LRP1: variants seen among roughly 807,000 people sequenced by gnomAD.
The protein encoded by LRP1 is prolow-density lipoprotein receptor-related protein 1.
In LRP1, 51 loss-of-function variants were observed where a neutral mutation model predicts 541.5. The observed-to-expected ratio is 0.09, with a 90% CI of 0.08 to 0.12. LRP1 has a LOEUF of 0.12. LRP1 is among the 10% of genes least tolerant of loss of function. The pLI is 1.00. For synonymous variants in LRP1, 2,219 were observed against 2,470.8 expected (o/e 0.90, Z 3.02); for missense variants, 3,878 against 6,376.2 (o/e 0.61, Z 13.34).
rs78461145 is a variant in LRP1, at chr12:57,192,729, C to G, written c.7430-116C>G. Reference sequence around the variant, plus strand: ...ACTGGCTGCAAGCCGCTGTGCCTGCCGTGACTGAGCAGAGGCTTGGGAGCT... The same window carrying G: ...ACTGGCTGCAAGCCGCTGTGCCTGCGGTGACTGAGCAGAGGCTTGGGAGCT... On this transcript the variant is annotated intron_variant, in intron 44 of 88. Transcript: ENST00000243077. The G allele has an allele frequency of 2.7e-5, 38 of 1,427,122 alleles. No individual in the cohort carries two copies. The African/African-American group carries it at 4.3e-4, about 16-fold the overall frequency. The allele number at this position is 1,427,122 out of a possible 1,614,324, so 88.4% of individuals were successfully genotyped here. A position where few individuals can be genotyped will look rare whatever the true frequency, so the allele number is the denominator to read the frequency against.
chr12:57,200,762 T>A lies in LRP1; in HGVS notation c.10172T>A (p.Phe3391Tyr), dbSNP rs370849571. 1 of 1,613,896 alleles carries A rather than the reference T, an allele frequency of 6.2e-7. No individual in the cohort carries two copies. The highest frequency in any genetic ancestry group is 8.5e-7 in the Non-Finnish European group (1 of 1,180,044). ...ACAGGTATCTGCACAAACCCTGCCT[T>A]CATCTGCGATGGCGACAATGACTGC... ...CSTGICTNPAFICDGDNDCQD... is the reference protein window; with the variant it reads ...CSTGICTNPAYICDGDNDCQD... The change falls in exon 64 of 89, where the codon TTC (phenylalanine) becomes TAC (tyrosine). Residue 3391 changes from phenylalanine (F) to tyrosine (Y), a missense_variant. Physicochemically the swap from Phe to Tyr is conservative, Grantham distance 22. Coordinates refer to ENST00000243077, the MANE Select transcript of LRP1 (RefSeq NM_002332.3).
chr12:57,205,187 C>A lies in LRP1; in HGVS notation c.11273C>A (p.Ser3758Tyr). Residue 3758 changes from serine to tyrosine, a missense_variant, in exon 73 of 89, where the codon TCC becomes TAC. Physicochemically the swap from Ser to Tyr is moderately radical, Grantham distance 144 (BLOSUM62 -2). Around this residue, in one of 13 missense-constraint regions of LRP1, gnomAD observed 871 missense variants for 1,212.4 expected, o/e 0.72. Transcript: ENST00000243077. This position sits in a 1 kb window ranked among gnomAD's most constrained non-coding sequence, Gnocchi z 4.6. ...CGGAACCAGCGCTGCCTCTCCTCCT[C>A]CCTGCGCTGCAACATGTTCGATGAC... ...LCRNQRCLSSSLRCNMFDDCG... is the reference protein window; with the variant it reads ...LCRNQRCLSSYLRCNMFDDCG... The A allele has an allele frequency of 6.2e-7, 1 of 1,613,982 alleles. No homozygotes were observed. Among genetic ancestry groups the A allele is most frequent in the Non-Finnish European group, 8.5e-7 (1 of 1,180,010 alleles).
rs1201448425 is a variant in LRP1 at position 57,143,746 on chromosome 12, C to T, written c.396C>T (p.Thr132=). The T allele has an allele frequency of 6.2e-7, 1 of 1,614,216 alleles. No individual in the cohort carries two copies. Among genetic ancestry groups the T allele is most frequent in the Admixed American group, 1.7e-5 (1 of 60,032 alleles). Residue 132 remains threonine (T), a synonymous_variant, in exon 4 of 89, where the codon ACC becomes ACT. Transcript: ENST00000243077. ...HHCVPTLDGP[T]CYCNSSFQLQ... is the part of the protein sequence containing the mutation. Reference sequence around the variant, plus strand: ...GTGTCCCCACACTCGATGGGCCCACCTGCTACTGCAACAGCAGCTTTCAGC... The same window carrying T: ...GTGTCCCCACACTCGATGGGCCCACTTGCTACTGCAACAGCAGCTTTCAGC...
rs755275163 is a variant in LRP1 at position 57,185,650 on chromosome 12, C to T, written c.6583C>T (p.Arg2195Cys). The T allele has an allele frequency of 1.2e-5, 19 of 1,612,920 alleles. No homozygotes were observed. Among genetic ancestry groups the T allele is most frequent in the African/African-American group, 5.3e-5 (4 of 74,926 alleles). Residue 2195 changes from arginine (R) to cysteine (C), a missense_variant, in exon 41 of 89, where the codon CGC (arginine) becomes TGC (cysteine). This residue lies in a region of LRP1 where 1,100 missense variants were observed against 1,827.4 expected (regional missense o/e 0.60). Coordinates refer to ENST00000243077, the MANE Select transcript of LRP1 (RefSeq NM_002332.3). The surrounding 1 kb of genome is among the most constrained non-coding windows in gnomAD (Gnocchi z 4.9). ...GMLAEDGASC[R>C]EYAGYLLYSE... ...GCTGGCTGAAGACGGAGCATCGTGC[C>T]GCGAGTATGCCGGCTACCTGCTCTA... is the stretch of plus-strand genomic sequence containing the variant.
chr12:57,210,014 C>T lies in LRP1; in HGVS notation c.12440-15C>T. ...GTCCTGCTCAGCATCCTCCCCACCC[C>T]ACCCATACCTGCAGTGACCAACCCA... On this transcript the variant is annotated splice_polypyrimidine_tract_variant and intron_variant, in intron 80 of 88. Transcript: ENST00000243077. 6.3e-7 allele frequency: 1 copy of T among 1,595,122 alleles called. No homozygotes were observed. The highest frequency in any genetic ancestry group is 8.6e-7 in the Non-Finnish European group (1 of 1,169,104).
rs2036002800 is a variant in LRP1 at position 57,174,348 on chromosome 12, C to G, written c.3547+368C>G. Among the ~76,000 whole-genome samples the G allele has an allele frequency of 2.0e-5, 3 of 152,164 alleles. No individual in the cohort carries two copies. The South Asian group carries it at 6.2e-4, about 32-fold the overall frequency. On this transcript the variant is annotated intron_variant, in intron 22 of 88. Coordinates refer to ENST00000243077, the MANE Select transcript of LRP1 (RefSeq NM_002332.3). ...CTCAGACCCCTTGCCCACATGCATA[C>G]CACAGAGAGATGCGGAGTGCTCTTG...
At chr12:57,200,925 G>A (rs1176017010) in intron 64 of LRP1, 109 bp from the exon 65 acceptor site, 7 of 1,581,116 alleles carry the variant, frequency 4.4e-6, no homozygotes, top group Non-Finnish European at 6.1e-6. Context: ...TGCTCTCCAG[G>A]CTGGATTCCT....
At position 57,210,928 on chromosome 12, in the gene LRP1, G is replaced by A. The variant is rs972318837; in HGVS notation, c.12916+49G>A. ...CAGGGCATGCGGGAGGGTGACGGGG[G>A]ACCCCAGAGCATGGGGTGATGTTCA... On this transcript the variant is annotated intron_variant, in intron 83 of 88. Coordinates refer to ENST00000243077, the MANE Select transcript of LRP1 (RefSeq NM_002332.3). 3 of 1,581,052 alleles carry A rather than the reference G, an allele frequency of 1.9e-6. No individual in the cohort carries two copies. The African/African-American group carries it at 4.0e-5, about 21-fold the overall frequency.
At position 57,200,830 on chromosome 12, in the gene LRP1, G is replaced by GC; in HGVS notation, c.10225+18dup. Reference sequence around the variant, plus strand: ...GGCCAACTGTGGTAAGGCGCTGCCCGCCCACCCTCCCTCCTTCCCCAGCAT... The same window carrying GC: ...GGCCAACTGTGGTAAGGCGCTGCCCGCCCCACCCTCCCTCCTTCCCCAGCAT... On this transcript the variant is annotated intron_variant, in intron 64 of 88. Coordinates refer to ENST00000243077, the MANE Select transcript of LRP1 (RefSeq NM_002332.3). 5 of 1,283,014 alleles carry GC rather than the reference G, an allele frequency of 3.9e-6. No individual in the cohort carries two copies. Among genetic ancestry groups the GC allele is most frequent in the South Asian group, 3.3e-5 (2 of 60,728 alleles). The allele number at this position is 1,283,014 out of a possible 1,614,324, so 79.5% of individuals were successfully genotyped here.
chr12:57,197,008 G>C lies in LRP1; in HGVS notation c.8919G>C (p.Leu2973=), dbSNP rs139044579. The change falls in exon 56 of 89, where the codon CTG becomes CTC. Residue 2973 remains leucine (L), a synonymous_variant. Transcript: ENST00000243077. This position sits in a 1 kb window ranked among gnomAD's most constrained non-coding sequence, Gnocchi z 4.5. The part of the protein sequence containing the change: ...FKCRCRPGFR[L]KDDGRTCADV... ...GCCGCTGTCGCCCTGGCTTCCGGCT[G>C]AAGGACGACGGCCGGACGTGTGCTG... 1 of 1,612,992 alleles carries C rather than the reference G, an allele frequency of 6.2e-7. No homozygotes were observed. Among genetic ancestry groups the C allele is most frequent in the African/African-American group, 1.3e-5 (1 of 74,926 alleles).
chr12:57,191,870 CACAT>C, intron 44 of LRP1, among the ~76,000 whole-genome samples: 1 of 136,538 alleles, frequency 7.3e-6, no homozygotes, highest in Admixed American at 7.3e-5. Flanking sequence ...ATACACACCA[CACAT>C]ACCACACACA....
Position 57,197,372 on chromosome 12 carries a change from G to T in LRP1, c.9150G>T (p.Thr3050=). ...RKLNLDGSNY[T]LLKQGLNNAV... ...TCAACCTGGACGGGTCCAACTACACGTTACTTAAGCAGGTACCAAACCCAG... is the reference window on the plus strand; with the variant it reads ...TCAACCTGGACGGGTCCAACTACACTTTACTTAAGCAGGTACCAAACCCAG... Residue 3050 remains threonine (T), a synonymous_variant, in exon 57 of 89, where the codon ACG becomes ACT. Transcript: ENST00000243077. The surrounding 1 kb of genome is among the most constrained non-coding windows in gnomAD (Gnocchi z 4.5). 1 of 1,613,140 alleles carries T rather than the reference G, an allele frequency of 6.2e-7. No individual in the cohort carries two copies. The highest frequency in any genetic ancestry group is 1.1e-5 in the South Asian group (1 of 90,996).
rs2035607044 is a variant in LRP1 at position 57,155,827 on chromosome 12, T to A, written c.1228-267T>A. Among the ~76,000 whole-genome samples the A allele has an allele frequency of 2.0e-5, 3 of 152,298 alleles. No homozygotes were observed. The South Asian group carries it at 6.2e-4, about 32-fold the overall frequency. On this transcript the variant is annotated intron_variant, in intron 8 of 88. Transcript: ENST00000243077. ...TTAGCCAGGTGTGGTGGTATGTTCCTGTAGTCCCAACTACTCAGGAGGCTG... is the reference window on the plus strand; with the variant it reads ...TTAGCCAGGTGTGGTGGTATGTTCCAGTAGTCCCAACTACTCAGGAGGCTG...
chr12:57,147,963 C>T (rs1164055672), intron 6 of LRP1, among the ~76,000 whole-genome samples: 1 of 152,306 alleles, frequency 6.6e-6, no homozygotes, highest in Admixed American at 6.5e-5. Context: ...GATTACCTCC[C>T]CCTCCCCTCT....
At chr12:57,138,409 G>A (rs1360132606) in intron 1 of LRP1, 50 bp from the exon 2 acceptor site, 1 of 1,603,676 alleles carries the variant, frequency 6.2e-7, no homozygotes, top group African/African-American at 1.3e-5. Flanking sequence ...TGGGTTCACA[G>A]AGTTGGCCTC....
chr12:57,200,826 G>GGGGGCGC lies in LRP1; in HGVS notation c.10225+11_10225+12insGGGGCGC. 1.9e-6 allele frequency: 3 copies of GGGGGCGC among 1,581,418 alleles called. No homozygotes were observed. The highest frequency in any genetic ancestry group is 2.6e-6 in the Non-Finnish European group (3 of 1,157,662). ...ACGAGGCCAACTGTGGTAAGGCGCT[G>GGGGGCGC]CCCGCCCACCCTCCCTCCTTCCCCA... On this transcript the variant is annotated intron_variant, in intron 64 of 88. Coordinates refer to ENST00000243077, the MANE Select transcript of LRP1 (RefSeq NM_002332.3).
chr12:57,165,528 A>G lies in LRP1; in HGVS notation c.2531-277A>G. 1 of 333,750 alleles carries G rather than the reference A, an allele frequency of 3.0e-6. No individual in the cohort carries two copies. The highest frequency in any genetic ancestry group is 5.5e-6 in the Non-Finnish European group (1 of 180,336). 20.7% of individuals were successfully genotyped at this position (333,750 alleles called of 1,614,324 possible). ...TGGGGAGAGCCTGTTCGGTGGTGAC[A>G]GAGGTATAGAGGCCATGGGCTCTCT... On this transcript the variant is annotated intron_variant, in intron 15 of 88. Coordinates refer to ENST00000243077, the MANE Select transcript of LRP1 (RefSeq NM_002332.3). This position sits in a 1 kb window ranked among gnomAD's most constrained non-coding sequence, Gnocchi z 4.5.
At position 57,204,802 on chromosome 12, in the gene LRP1, G is replaced by A; in HGVS notation, c.11194+53G>A. On this transcript the variant is annotated intron_variant, in intron 72 of 88. Coordinates refer to ENST00000243077, the MANE Select transcript of LRP1 (RefSeq NM_002332.3). This position sits in a 1 kb window ranked among gnomAD's most constrained non-coding sequence, Gnocchi z 5.3. ...CAGGGGACGGGTAGTGCACAGTGGG[G>A]TGAGTCTGGTCCTCGTGGGAGCTGC... 6.2e-7 allele frequency: 1 copy of A among 1,604,276 alleles called. No individual in the cohort carries two copies. Among genetic ancestry groups the A allele is most frequent in the Non-Finnish European group, 8.5e-7 (1 of 1,172,726 alleles).
At chr12:57,143,158 G>A (rs1448481998) in intron 3 of LRP1, among the ~76,000 whole-genome samples, 2 of 152,148 alleles carry the variant, frequency 1.3e-5, no homozygotes, top group African/African-American at 4.8e-5. Context: ...CCTCCTTCCT[G>A]TCCTCTACCT....
Sources: gnomAD v4.1 joint callset for allele counts (sites outside exome capture counted in the v4.1 genomes callset) on GRCh38, gnomAD v4.1.1 for gene constraint, gnomAD v4.1.1 regional missense constraint, Gnocchi (gnomAD v3.1) non-coding constraint, MANE v1.5 for transcripts, NCBI Gene and HGNC (gene_info 2026-07-23, HGNC 2026-07-21) for gene names.